Variants in SH2D4B observed in about 807,000 individuals in gnomAD.
SH2D4B encodes SH2 domain-containing protein 4B.
SH2D4B carries 45 observed loss-of-function variants against 61.5 expected under a neutral mutation model. That is an observed-to-expected ratio of 0.73 (90% confidence interval 0.58 to 0.94). The LOEUF (loss-of-function observed/expected upper bound fraction) is 0.94, where lower values mean the gene tolerates loss of function less well. SH2D4B is among the 40% of genes least tolerant of loss of function. The pLI, the probability that SH2D4B is intolerant of heterozygous loss-of-function variation, is 0.00. For missense variants in SH2D4B, 572 were observed against 574.2 expected (o/e 1.00, Z 0.04); for synonymous variants, 224 against 220.4 (o/e 1.02, Z -0.14).
intron 2 of SH2D4B, among the ~76,000 whole-genome samples, chr10:80,570,608 C>T (rs1168094465): frequency 6.6e-6 from 1 of 152,164 alleles, no homozygotes; most frequent in African/African-American, 2.4e-5. Flanking sequence ...ACACCCACCA[C>T]CTAATGTAAC....
At chr10:80,547,330 A>G (rs184885155) in intron 1 of SH2D4B, among the ~76,000 whole-genome samples, 30 of 152,130 alleles carry the variant, frequency 2.0e-4, no homozygotes, top group Non-Finnish European at 3.2e-4. Context: ...TGTTCTTGGG[A>G]CACCATTGAT....
At chr10:80,581,236 C>T (rs1032161725) in intron 3 of SH2D4B, among the ~76,000 whole-genome samples, 1 of 152,154 alleles carries the variant, frequency 6.6e-6, no homozygotes, top group African/African-American at 2.4e-5. Context: ...TAACTTGCTG[C>T]TTCCTTTTAG....
At position 80,572,975 on chromosome 10, in the gene SH2D4B, TATATATATATA is replaced by T. The variant is rs1207036272; in HGVS notation, c.495+1398_495+1408del. ...ATATATATATATATATATATATATA[TATATATATATA>T]TTTTTTTTTTTTTTTTTTTTTTTTT... On this transcript the variant is annotated intron_variant, in intron 3 of 7. Coordinates refer to ENST00000646907, the MANE Select transcript of SH2D4B (RefSeq NM_001388272.1). 6.1e-3 allele frequency among the ~76,000 whole-genome samples: 63 copies of T among 10,292 alleles called. 1 individual carries two copies. Among genetic ancestry groups the T allele is most frequent in the African/African-American group, 0.024 (48 of 2,026 alleles). The allele number at this position is 10,292 out of a possible 152,430, so 6.8% of individuals were successfully genotyped here. A position where few individuals can be genotyped will look rare whatever the true frequency, so the allele number is the denominator to read the frequency against.
chr10:80,634,246 ACCTGCTGTG>A, intron 6 of SH2D4B, 30 bp from the exon 7 acceptor site: 1 of 1,482,024 alleles, frequency 6.7e-7, no homozygotes, highest in East Asian at 2.5e-5. Context: ...CAGTCGCAGA[ACCTGCTGTG>A]TTTTTTTGTT....
At chr10:80,559,985 CT>C (rs144516423) in intron 1 of SH2D4B, among the ~76,000 whole-genome samples, 4,393 of 124,526 alleles carry the variant, frequency 0.035, 67 homozygotes, top group African/African-American at 0.096. Context: ...TAAAATACAC[CT>C]TTTTTTTTTT....
rs1230205864 is a variant in SH2D4B, at chr10:80,570,147, T to G, written c.185-7T>G. 1 of 1,614,076 alleles carries G rather than the reference T, an allele frequency of 6.2e-7. No individual in the cohort carries two copies. Among genetic ancestry groups the G allele is most frequent in the Non-Finnish European group, 8.5e-7 (1 of 1,179,972 alleles). On this transcript the variant is annotated splice_region_variant and splice_polypyrimidine_tract_variant and intron_variant, in intron 1 of 7. Coordinates refer to ENST00000646907, the MANE Select transcript of SH2D4B (RefSeq NM_001388272.1). ...ACTTGTTTCTTCTTCCTTCTTCTAT[T>G]GTGAAGCAGCGAGTGACAAGCACAT...
chr10:80,613,877 G>A (rs552460607), intron 6 of SH2D4B, among the ~76,000 whole-genome samples: 60 of 152,308 alleles, frequency 3.9e-4, no homozygotes, highest in African/African-American at 1.4e-3. Context: ...GGTCTAGAAT[G>A]GGCCCCACAT....
At chr10:80,600,555 T>C (rs1842440916) in intron 4 of SH2D4B, among the ~76,000 whole-genome samples, 1 of 127,098 alleles carries the variant, frequency 7.9e-6, no homozygotes, top group African/African-American at 3.1e-5. Flanking sequence ...GTGTGTGTGC[T>C]GGGGAAGGAG....
intron 1 of SH2D4B, among the ~76,000 whole-genome samples, chr10:80,555,968 A>AGCTG (rs1841828910): frequency 6.6e-6 from 1 of 152,216 alleles, no homozygotes; most frequent in African/African-American, 2.4e-5. Context: ...AAGGAAACCC[A>AGCTG]GGTAAGACGA....
chr10:80,609,680 C>A, intron 6 of SH2D4B, 129 bp downstream of exon 6: 1 of 1,447,492 alleles, frequency 6.9e-7, no homozygotes, highest in Non-Finnish European at 9.4e-7. Context: ...TCCATTCTGT[C>A]CCTCTCCCAG....
intron 1 of SH2D4B, among the ~76,000 whole-genome samples, chr10:80,560,457 T>C (rs1275564565): frequency 6.6e-6 from 1 of 151,644 alleles, no homozygotes; most frequent in Non-Finnish European, 1.5e-5. Flanking sequence ...AGCCTTGAAC[T>C]CCTGGGGCTC....
At chr10:80,594,213 T>A (rs1180515745) in intron 4 of SH2D4B, among the ~76,000 whole-genome samples, 1 of 152,232 alleles carries the variant, frequency 6.6e-6, no homozygotes, top group Non-Finnish European at 1.5e-5. Flanking sequence ...TTGGATTTTA[T>A]CAAATGCTTG....
chr10:80,615,543 T>G (rs564088232), intron 6 of SH2D4B, among the ~76,000 whole-genome samples: 1 of 152,224 alleles, frequency 6.6e-6, no homozygotes, highest in African/African-American at 2.4e-5. Context: ...ATTCCTGACC[T>G]TGGCAATCAG....
At chr10:80,642,853 A>G (rs1359103258) in intron 7 of SH2D4B, 1 of 152,536 alleles carries the variant, frequency 6.6e-6, no homozygotes, top group African/African-American at 2.4e-5. Context: ...ATTGCCCTCC[A>G]AAAATATGGT....
intron 7 of SH2D4B, 29 bp downstream of exon 7, chr10:80,634,534 G>C: frequency 1.3e-6 from 2 of 1,544,824 alleles, no homozygotes; most frequent in Non-Finnish European, 1.7e-6. Flanking sequence ...CTAATGGGGG[G>C]GAGGGGGAAC....
chr10:80,560,695 T>TAAA (rs1841892986), intron 1 of SH2D4B, among the ~76,000 whole-genome samples: 12 of 36,416 alleles, frequency 3.3e-4, no homozygotes, highest in African/African-American at 2.6e-3. Context: ...TGGCCAAGCT[T>TAAA]TTTTTTTTTT....
At chr10:80,594,001 C>T (rs959137001) in intron 4 of SH2D4B, among the ~76,000 whole-genome samples, 7 of 151,888 alleles carry the variant, frequency 4.6e-5, no homozygotes, top group Non-Finnish European at 1.0e-4. Context: ...TTTTTAGCGA[C>T]GGGGTTTTGC....
intron 7 of SH2D4B, among the ~76,000 whole-genome samples, chr10:80,638,608 T>C (rs930007057): frequency 2.0e-5 from 3 of 152,236 alleles, no homozygotes; most frequent in Admixed American, 6.5e-5. Flanking sequence ...CGGTAGTTTG[T>C]ATTTCTGTTG....
At chr10:80,541,191 C>A (rs891087842) in intron 1 of SH2D4B, among the ~76,000 whole-genome samples, 1 of 152,150 alleles carries the variant, frequency 6.6e-6, no homozygotes, top group Admixed American at 6.5e-5. Context: ...TTTCAGGGAA[C>A]CCCCTGGGTT....
Sources: allele counts gnomAD v4.1 joint callset (sites outside exome capture counted in the v4.1 genomes callset), GRCh38; gene constraint gnomAD v4.1.1; transcripts MANE v1.5; gene names NCBI Gene and HGNC (gene_info 2026-07-23, HGNC 2026-07-21).